Variants in RTN1 observed in about 807,000 individuals in gnomAD.
RTN1 encodes reticulon-1.
Under a neutral mutation model 65.5 loss-of-function variants are expected in RTN1, and 25 were observed. The ratio of observed to expected loss-of-function variants is 0.38; its 90% CI spans 0.28 to 0.53. The LOEUF (loss-of-function observed/expected upper bound fraction) is 0.53. Among genes scored for constraint, RTN1 ranks in the 20% least tolerant of loss-of-function variants. The pLI is 0.79. For synonymous variants in RTN1, 471 were observed against 447.6 expected, an observed-to-expected ratio of 1.05 and a Z score of -0.66; for missense variants, 983 against 1,025.4, an observed-to-expected ratio of 0.96 and a Z score of 0.57.
intron 2 of RTN1, among the ~76,000 whole-genome samples, chr14:59,730,648 G>A (rs973157401): frequency 2.0e-5 from 3 of 152,018 alleles, no homozygotes; most frequent in South Asian, 2.1e-4. Context: ...AAACTATTAC[G>A]ACTCAATAAT....
At chr14:59,750,027 TTATATAC>T in intron 1 of RTN1, among the ~76,000 whole-genome samples, 3 of 80,086 alleles carry the variant, frequency 3.7e-5, no homozygotes, top group African/African-American at 1.3e-4. Flanking sequence ...ATATATTATA[TTATATAC>T]ATATATTATA....
chr14:59,636,903 A>T (rs1209722569), intron 3 of RTN1, among the ~76,000 whole-genome samples: 1 of 152,222 alleles, frequency 6.6e-6, no homozygotes, highest in Admixed American at 6.5e-5. Flanking sequence ...AATTCATAAT[A>T]ATCTTTTTGC....
chr14:59,677,051 G>T (rs891138442), intron 3 of RTN1, among the ~76,000 whole-genome samples: 22 of 152,164 alleles, frequency 1.4e-4, no homozygotes, highest in Non-Finnish European at 2.5e-4. Context: ...TTCCTATCGG[G>T]TGTACCAGCC....
chr14:59,700,800 A>G (rs934381648), intron 3 of RTN1, among the ~76,000 whole-genome samples: 1 of 152,202 alleles, frequency 6.6e-6, no homozygotes, highest in African/African-American at 2.4e-5. Context: ...GTTAACTTGT[A>G]TTAGGTGGTA....
intron 3 of RTN1, among the ~76,000 whole-genome samples, chr14:59,640,637 G>C: frequency 6.6e-6 from 1 of 152,022 alleles, no homozygotes; most frequent in South Asian, 2.1e-4. Flanking sequence ...TTTTAAATAT[G>C]TTGTCAGTTT....
At chr14:59,772,581 CTCCTGGCTGAT>C (rs1469657756) in intron 1 of RTN1, among the ~76,000 whole-genome samples, 1 of 151,612 alleles carries the variant, frequency 6.6e-6, no homozygotes, top group Non-Finnish European at 1.5e-5. Context: ...GAAATTATTG[CTCCTGGCTGAT>C]TCCTTAGCTA....
intron 3 of RTN1, among the ~76,000 whole-genome samples, chr14:59,701,121 CTAT>C (rs1884169365): frequency 6.6e-6 from 1 of 152,150 alleles, no homozygotes; most frequent in African/African-American, 2.4e-5. Flanking sequence ...ATGCTCAACA[CTAT>C]TAGTCATCAT....
chr14:59,749,121 T>G lies in RTN1; in HGVS notation c.242-2640A>C, dbSNP rs1194688427. On this transcript the variant is annotated intron_variant, in intron 1 of 8. Transcript: ENST00000267484. ...ATATATCTATATATATATATATATATATAGATATATCTATATCTATCTATC... is the reference window on the plus strand; with the variant it reads ...ATATATCTATATATATATATATATAGATAGATATATCTATATCTATCTATC... Among the ~76,000 whole-genome samples, 168 of 49,698 alleles carry G rather than the reference T, an allele frequency of 3.4e-3. 16 individuals carry two copies. The highest frequency in any genetic ancestry group is 0.011 in the Admixed American group (38 of 3,388). The allele number at this position is 49,698 out of a possible 152,430, so 32.6% of individuals were successfully genotyped here.
At chr14:59,729,088 T>C (rs550407505) in intron 2 of RTN1, among the ~76,000 whole-genome samples, 51 of 152,310 alleles carry the variant, frequency 3.3e-4, no homozygotes, top group Non-Finnish European at 5.4e-4. Context: ...GAAAGTAACC[T>C]ATATTTAACA....
At chr14:59,723,449 A>G (rs183296635) in intron 3 of RTN1, among the ~76,000 whole-genome samples, 2 of 151,306 alleles carry the variant, frequency 1.3e-5, no homozygotes, top group Non-Finnish European at 2.9e-5. Flanking sequence ...CACTAAAAAA[A>G]AAAAAATACA....
intron 3 of RTN1, among the ~76,000 whole-genome samples, chr14:59,664,044 A>C (rs978571678): frequency 6.6e-6 from 1 of 152,068 alleles, no homozygotes; most frequent in Non-Finnish European, 1.5e-5. Flanking sequence ...ACTATTCACA[A>C]TAGCAAAGAC....
chr14:59,614,790 C>T (rs1197616340), intron 3 of RTN1, among the ~76,000 whole-genome samples: 2 of 152,216 alleles, frequency 1.3e-5, no homozygotes, highest in Non-Finnish European at 2.9e-5. Context: ...ATGTCCTAGG[C>T]TCCACCCTTA....
At chr14:59,621,858 A>G (rs542796962) in intron 3 of RTN1, among the ~76,000 whole-genome samples, 5 of 152,380 alleles carry the variant, frequency 3.3e-5, no homozygotes, top group Non-Finnish European at 5.9e-5. Context: ...GCAGCTATTT[A>G]TATTTTATTT....
intron 3 of RTN1, among the ~76,000 whole-genome samples, chr14:59,651,522 G>A (rs144165201): frequency 1.1e-3 from 160 of 152,252 alleles, no homozygotes; most frequent in African/African-American, 3.7e-3. Flanking sequence ...TGGATCACCT[G>A]AGGTCAGGAG....
chr14:59,603,332 A>G, intron 6 of RTN1, 74 bp from the exon 7 acceptor site: 2 of 1,105,838 alleles, frequency 1.8e-6, no homozygotes, highest in South Asian at 1.4e-5. Flanking sequence ...ACATTTTTAT[A>G]TGGTTATATG....
intron 8 of RTN1, among the ~76,000 whole-genome samples, chr14:59,600,666 C>G (rs1323250923): frequency 2.0e-5 from 3 of 152,108 alleles, no homozygotes; most frequent in Non-Finnish European, 4.4e-5. Context: ...GTTGTTTCCT[C>G]CTCTCTGATA....
chr14:59,759,403 C>T (rs1272491096), intron 1 of RTN1, among the ~76,000 whole-genome samples: 4 of 152,140 alleles, frequency 2.6e-5, no homozygotes, highest in Non-Finnish European at 5.9e-5. Context: ...TATCTTTGTG[C>T]TTCTGTCTCA....
chr14:59,817,399 A>C (rs1240675299), intron 1 of RTN1, among the ~76,000 whole-genome samples: 1 of 152,208 alleles, frequency 6.6e-6, no homozygotes, highest in African/African-American at 2.4e-5. Context: ...CTTCTTCAAA[A>C]GTCATCAAGC....
intron 3 of RTN1, among the ~76,000 whole-genome samples, chr14:59,698,701 G>C (rs745565825): frequency 2.0e-5 from 3 of 152,178 alleles, no homozygotes; most frequent in Non-Finnish European, 2.9e-5. Context: ...GTAAGTCCAA[G>C]TAAACATTTG....
Sources: allele counts gnomAD v4.1 joint callset (sites outside exome capture counted in the v4.1 genomes callset), GRCh38; gene constraint gnomAD v4.1.1; transcripts MANE v1.5; gene names NCBI Gene and HGNC (gene_info 2026-07-23, HGNC 2026-07-21).